The following SNX29 variants were observed in gnomAD, a reference collection of about 807,000 sequenced individuals.
The protein encoded by SNX29 is sorting nexin-29.
Under a neutral mutation model 102.1 loss-of-function variants are expected in SNX29, and 78 were observed. The ratio of observed to expected loss-of-function variants is 0.76; its 90% CI spans 0.64 to 0.92. The LOEUF (loss-of-function observed/expected upper bound fraction) is 0.92, where lower values mean the gene tolerates loss of function less well. SNX29 is among the 40% of genes least tolerant of loss of function. The pLI is 0.00. For missense variants in SNX29, 1,280 were observed against 1,061.7 expected, an observed-to-expected ratio of 1.21 and a Z score of -2.86; for synonymous variants, 580 against 414.5, an observed-to-expected ratio of 1.40 and a Z score of -4.85.
chr16:12,460,822 G>A (rs1010056290), intron 18 of SNX29, among the ~76,000 whole-genome samples: 6 of 151,948 alleles, frequency 3.9e-5, no homozygotes, highest in African/African-American at 1.2e-4. Flanking sequence ...CACCATGCCC[G>A]GCTAATTTTT....
At chr16:12,502,538 C>A (rs2089176504) in intron 19 of SNX29, among the ~76,000 whole-genome samples, 1 of 152,132 alleles carries the variant, frequency 6.6e-6, no homozygotes, top group Non-Finnish European at 1.5e-5. Flanking sequence ...CCCACGGTGG[C>A]CGGGGCCTCA....
intron 15 of SNX29, among the ~76,000 whole-genome samples, chr16:12,286,852 C>T (rs549747715): frequency 6.6e-6 from 1 of 152,206 alleles, no homozygotes; most frequent in African/African-American, 2.4e-5. Flanking sequence ...TTATTACATT[C>T]CTGAGTATTT....
In SNX29 at chr16:12,571,770, G is replaced by C. The variant is rs983772724; in HGVS notation, c.*3141G>C. The C allele has an allele frequency of 7.5e-5, 76 of 1,012,340 alleles. No individual in the cohort carries two copies. The highest frequency in any genetic ancestry group is 9.1e-5 in the Non-Finnish European group (76 of 832,150). 62.7% of individuals were successfully genotyped at this position (1,012,340 alleles called of 1,614,324 possible). On this transcript the variant is annotated 3_prime_UTR_variant, in exon 21 of 21. Transcript: ENST00000566228. ...AACCATCCACTCCTGATCTGAGACA[G>C]AACCTTCTCCGCCACTCTTCCTGCA...
intron 14 of SNX29, among the ~76,000 whole-genome samples, chr16:12,239,495 A>T (rs1477138928): frequency 6.6e-6 from 1 of 152,094 alleles, no homozygotes; most frequent in African/African-American, 2.4e-5. Flanking sequence ...ATGTTGGCTT[A>T]TTTAAACCAA....
intron 16 of SNX29, among the ~76,000 whole-genome samples, chr16:12,394,908 T>TA (rs1953844703): frequency 2.0e-5 from 3 of 152,144 alleles, no homozygotes; most frequent in Admixed American, 6.5e-5. Context: ...CCTTTGATGA[T>TA]ACTGGGTGGT....
chr16:12,552,668 A>C (rs2078055706), intron 20 of SNX29, among the ~76,000 whole-genome samples: 1 of 152,238 alleles, frequency 6.6e-6, no homozygotes, highest in Non-Finnish European at 1.5e-5. Flanking sequence ...GACCCAGGCC[A>C]TGCAGGGCGT....
At chr16:12,394,486 G>A (rs913628263) in intron 16 of SNX29, among the ~76,000 whole-genome samples, 6 of 152,136 alleles carry the variant, frequency 3.9e-5, no homozygotes, top group Non-Finnish European at 8.8e-5. Context: ...AAAACTTAAT[G>A]GCTTTTTAAA....
At chr16:12,457,381 C>A (rs2086585230) in intron 18 of SNX29, among the ~76,000 whole-genome samples, 1 of 152,170 alleles carries the variant, frequency 6.6e-6, no homozygotes, top group Admixed American at 6.5e-5. Context: ...TGCACTTTAA[C>A]CTCTGTTCTC....
intron 18 of SNX29, among the ~76,000 whole-genome samples, chr16:12,453,320 C>T (rs1001988430): frequency 1.3e-5 from 2 of 152,238 alleles, no homozygotes; most frequent in African/African-American, 4.8e-5. Context: ...GCAACCACCA[C>T]TGTACACTAG....
At chr16:12,382,316 C>T (rs1232232471) in intron 16 of SNX29, among the ~76,000 whole-genome samples, 4 of 152,244 alleles carry the variant, frequency 2.6e-5, no homozygotes, top group South Asian at 4.1e-4. Context: ...ATGGTGTGAA[C>T]CTTGCTCCGT....
At chr16:11,995,410 C>T (rs1361009002) in intron 1 of SNX29, among the ~76,000 whole-genome samples, 2 of 152,062 alleles carry the variant, frequency 1.3e-5, no homozygotes, top group Non-Finnish European at 2.9e-5. Context: ...TTGGCCACAG[C>T]TGCCCCTTCT....
At chr16:12,367,059 C>T (rs1009558322) in intron 16 of SNX29, 1 of 152,278 alleles carries the variant, frequency 6.6e-6, no homozygotes, top group Non-Finnish European at 1.5e-5. Flanking sequence ...ATCATCCAAG[C>T]CTTGTGTGTT....
intron 14 of SNX29, among the ~76,000 whole-genome samples, chr16:12,205,602 C>G (rs908460158): frequency 6.6e-6 from 1 of 152,230 alleles, no homozygotes; most frequent in Non-Finnish European, 1.5e-5. Context: ...CAGGGACGCT[C>G]TTCCCTGGTC....
At chr16:12,080,987 T>G (rs150961128) in intron 11 of SNX29, among the ~76,000 whole-genome samples, 1 of 152,288 alleles carries the variant, frequency 6.6e-6, no homozygotes, top group Non-Finnish European at 1.5e-5. Context: ...CAGACTGTAG[T>G]TTACTTTTAA....
At chr16:12,548,658 C>T (rs961470518) in intron 20 of SNX29, among the ~76,000 whole-genome samples, 2 of 152,222 alleles carry the variant, frequency 1.3e-5, no homozygotes, top group African/African-American at 4.8e-5. Flanking sequence ...TTGGTGTCAA[C>T]TCAGCAAGAA....
Position 12,374,071 on chromosome 16 carries a change from G to A in SNX29, c.1899+17792G>A, listed in dbSNP as rs1032713588. ...GAGGAGCAAGGGCTGGCTAGCAGAG[G>A]TTTGGCCCTGCTCCTCCAGGTCCCC... On this transcript the variant is annotated intron_variant, in intron 16 of 20. Coordinates refer to ENST00000566228, the MANE Select transcript of SNX29 (RefSeq NM_032167.5). 1.1e-4 allele frequency among the ~76,000 whole-genome samples: 17 copies of A among 152,324 alleles called. 1 individual carries two copies. Among genetic ancestry groups the A allele is most frequent in the Admixed American group, 9.1e-4 (14 of 15,310 alleles).
At chr16:12,423,185 T>C (rs1207222187) in intron 18 of SNX29, among the ~76,000 whole-genome samples, 1 of 151,602 alleles carries the variant, frequency 6.6e-6, no homozygotes, top group Non-Finnish European at 1.5e-5. Flanking sequence ...TACTCACCAA[T>C]GCATGGGGTT....
At chr16:12,118,128 C>G (rs1172310542) in intron 11 of SNX29, among the ~76,000 whole-genome samples, 1 of 151,906 alleles carries the variant, frequency 6.6e-6, no homozygotes, top group Non-Finnish European at 1.5e-5. Flanking sequence ...AAACTTTCAG[C>G]TGTGCCACCG....
chr16:12,567,872 C>T (rs1050552638), intron 20 of SNX29, among the ~76,000 whole-genome samples: 4 of 152,154 alleles, frequency 2.6e-5, no homozygotes, highest in African/African-American at 4.8e-5. Context: ...AAAAAATGTG[C>T]CGAGGGCCTC....
Sources: gnomAD v4.1 joint callset for allele counts (sites outside exome capture counted in the v4.1 genomes callset) on GRCh38, gnomAD v4.1.1 for gene constraint, MANE v1.5 for transcripts, NCBI Gene and HGNC (gene_info 2026-07-23, HGNC 2026-07-21) for gene names.